The following PIR variants were observed in gnomAD, a reference collection of about 807,000 sequenced individuals.
PIR encodes pirin (iron-binding nuclear protein).
Under a neutral mutation model 24.2 loss-of-function variants are expected in PIR, and 22 were observed. That is an observed-to-expected ratio of 0.91 (90% CI 0.65 to 1.30). PIR has a LOEUF of 1.30. Ranked by LOEUF, PIR falls within the 50% of genes most tolerant of loss-of-function variation. The pLI, the probability that PIR is intolerant of heterozygous loss-of-function variation, is 0.00. For missense variants in PIR, 220 were observed against 220.3 expected (o/e 1.00, Z 0.01); for synonymous variants, 80 against 79.6 (o/e 1.00, Z -0.03).
chrX:15,418,481 A>G (rs1480003707), intron 6 of PIR, among the ~76,000 whole-genome samples: 2 of 112,019 alleles, frequency 1.8e-5, no homozygotes, highest in Non-Finnish European at 3.8e-5. Context: ...TATTTTAGCC[A>G]AGATCTAATA....
chrX:15,426,667 T>A (rs1360387659), intron 5 of PIR, among the ~76,000 whole-genome samples: 1 of 112,405 alleles, frequency 8.9e-6, no homozygotes, highest in Admixed American at 9.5e-5. Flanking sequence ...TCATTGTTTA[T>A]CACAAAGCTC....
At chrX:15,488,278 C>CAAAAAAAAAAA (rs1184870069) in intron 2 of PIR, among the ~76,000 whole-genome samples, 1 of 31,914 alleles carries the variant, frequency 3.1e-5, no homozygotes, top group African/African-American at 9.5e-5. Context: ...AACTCCGTCT[C>CAAAAAAAAAAA]AAAAAAAAAA....
chrX:15,480,433 T>C (rs913136068), intron 2 of PIR, among the ~76,000 whole-genome samples: 1 of 112,364 alleles, frequency 8.9e-6, no homozygotes, highest in African/African-American at 3.2e-5. Context: ...AAACATTTCA[T>C]AATCATCTAA....
chrX:15,471,535 C>T (rs1424822861), intron 3 of PIR, among the ~76,000 whole-genome samples: 1 of 111,559 alleles, frequency 9.0e-6, no homozygotes, highest in Non-Finnish European at 1.9e-5. Context: ...CCCTATAATA[C>T]TCCTCCACCT....
chrX:15,459,761 A>G (rs749502230), intron 3 of PIR, 21 bp from the exon 4 acceptor site: 205 of 925,845 alleles, frequency 2.2e-4, no homozygotes, highest in Non-Finnish European at 2.9e-4. Flanking sequence ...CAAACAGGAA[A>G]AAAAGTAGAT....
intron 3 of PIR, among the ~76,000 whole-genome samples, chrX:15,477,757 A>C (rs1922274887): frequency 8.9e-6 from 1 of 111,998 alleles, no homozygotes; most frequent in South Asian, 3.7e-4. Flanking sequence ...GCATCGCTTC[A>C]TTCAACCTCA....
chrX:15,482,544 T>C (rs1256733335), intron 2 of PIR, among the ~76,000 whole-genome samples: 2 of 112,400 alleles, frequency 1.8e-5, no homozygotes, highest in Admixed American at 9.5e-5. Context: ...AACCTCTTAA[T>C]GTTAATAAAA....
At chrX:15,405,958 C>CT (rs929198527) in intron 7 of PIR, among the ~76,000 whole-genome samples, 12 of 112,650 alleles carry the variant, frequency 1.1e-4, no homozygotes, top group Non-Finnish European at 7.5e-5. Context: ...ATTGAACATC[C>CT]TTTTTGGAGA....
intron 6 of PIR, among the ~76,000 whole-genome samples, chrX:15,415,992 C>G (rs775975016): frequency 1.8e-4 from 20 of 109,468 alleles, no homozygotes; most frequent in Non-Finnish European, 3.1e-4. Context: ...AAAAAAAAAG[C>G]AGGAAAGACA....
At chrX:15,429,892 A>T (rs1925450520) in intron 5 of PIR, 1 of 110,841 alleles carries the variant, frequency 9.0e-6, no homozygotes, top group Non-Finnish European at 1.9e-5. Context: ...GTCAGCCTCA[A>T]ATGTACCTTG....
intron 3 of PIR, among the ~76,000 whole-genome samples, chrX:15,463,651 A>AG (rs756337927): frequency 6.2e-5 from 7 of 112,305 alleles, no homozygotes; most frequent in Admixed American, 9.5e-5. Flanking sequence ...TCTAGGTTTG[A>AG]AGTCTAAAAC....
intron 5 of PIR, among the ~76,000 whole-genome samples, chrX:15,452,914 G>A (rs1543112): frequency 0.35 from 38,880 of 111,145 alleles, 5,080 homozygotes; most frequent in East Asian, 0.47. Context: ...GATGGAAGTT[G>A]TTGTTGACTC....
intron 3 of PIR, among the ~76,000 whole-genome samples, chrX:15,467,255 A>G (rs184202159): frequency 8.9e-6 from 1 of 112,822 alleles, no homozygotes; most frequent in African/African-American, 3.2e-5. Context: ...CAATAGCAGA[A>G]CAAAGATCTA....
intron 7 of PIR, among the ~76,000 whole-genome samples, chrX:15,403,137 G>C (rs1212804341): frequency 3.6e-5 from 4 of 111,170 alleles, no homozygotes; most frequent in African/African-American, 9.9e-5. Flanking sequence ...CAATTATGAG[G>C]CCTGCTGGTG....
chrX:15,464,506 C>A, intron 3 of PIR: 1 of 583,823 alleles, frequency 1.7e-6, no homozygotes, highest in Non-Finnish European at 2.1e-6. Flanking sequence ...GATAGAAAGG[C>A]AGTGAGACAC....
intron 6 of PIR, among the ~76,000 whole-genome samples, chrX:15,424,889 C>G (rs1379302497): frequency 9.1e-6 from 1 of 110,488 alleles, no homozygotes; most frequent in African/African-American, 3.3e-5. Context: ...GGCTCAGTTA[C>G]TTGGGAGGCT....
At chrX:15,459,605 C>G (rs912218519) in intron 4 of PIR, 52 bp downstream of exon 4, 18 of 721,909 alleles carry the variant, frequency 2.5e-5, no homozygotes, top group Admixed American at 6.7e-5. Context: ...GGATCAAGCA[C>G]GTGCACCCAA....
At chrX:15,385,938 C>G (rs1243898230) in intron 9 of PIR, among the ~76,000 whole-genome samples, 2 of 112,068 alleles carry the variant, frequency 1.8e-5, no homozygotes, top group Non-Finnish European at 3.8e-5. Flanking sequence ...AAGTCCTCCC[C>G]TAATCTACCA....
chrX:15,467,704 A>T (rs1393023290), intron 3 of PIR, among the ~76,000 whole-genome samples: 2 of 111,626 alleles, frequency 1.8e-5, no homozygotes, highest in African/African-American at 6.5e-5. Context: ...TTTGTCTCTT[A>T]TTTTTTTACG....
Sources: gnomAD v4.1 joint callset for allele counts (sites outside exome capture counted in the v4.1 genomes callset) on GRCh38, gnomAD v4.1.1 for gene constraint, MANE v1.5 for transcripts, NCBI Gene and HGNC (gene_info 2026-07-23, HGNC 2026-07-21) for gene names.